Variants in AGBL1 observed in about 807,000 individuals in gnomAD.
AGBL1 encodes the protein cytosolic carboxypeptidase 4.
AGBL1 carries 130 observed loss-of-function variants against 118.9 expected under a neutral mutation model. That is an observed-to-expected ratio of 1.09 (90% confidence interval 0.95 to 1.26). The LOEUF (loss-of-function observed/expected upper bound fraction) is 1.26, where lower values mean the gene tolerates loss of function less well. Ranked by LOEUF, AGBL1 falls within the 50% of genes most tolerant of loss-of-function variation. The probability of loss-of-function intolerance (pLI) is 0.00; values close to 1 mark genes in which losing one functional copy is unlikely to be tolerated. For missense variants in AGBL1, 1,584 were observed against 1,298.1 expected (o/e 1.22, Z -3.38); for synonymous variants, 555 against 478.9 (o/e 1.16, Z -2.08).
rs755026990 is a variant in AGBL1 at position 86,397,468 on chromosome 15, C to T, written c.2477C>T (p.Pro826Leu). The part of the protein sequence containing the change: ...GTLEFLVSSD[P>L]VARLLRENFI... ...TTGGAGTTCCTGGTCAGCAGTGACC[C>T]TGTGGCTAGGCTCTTGAGGGAAAAC... The change falls in exon 18 of 23, where the codon CCT (proline) becomes CTT (leucine). Residue 826 changes from proline (P) to leucine (L), a missense_variant. Physicochemically the swap from Pro to Leu is moderately conservative, Grantham distance 98. Transcript: ENST00000614907. 1 of 1,613,122 alleles carries T rather than the reference C, an allele frequency of 6.2e-7. No homozygotes were observed. Among genetic ancestry groups the T allele is most frequent in the East Asian group, 2.2e-5 (1 of 44,838 alleles).
intron 18 of AGBL1, among the ~76,000 whole-genome samples, chr15:86,484,680 A>T (rs2082692616): frequency 6.6e-6 from 1 of 152,120 alleles, no homozygotes; most frequent in African/African-American, 2.4e-5. Flanking sequence ...AATGCATTTA[A>T]AAGAGAGCCT....
At chr15:86,243,893 AC>A (rs972794167) in intron 6 of AGBL1, among the ~76,000 whole-genome samples, 2 of 151,874 alleles carry the variant, frequency 1.3e-5, no homozygotes, top group African/African-American at 2.4e-5. Flanking sequence ...AGTGGCGTGC[AC>A]CTGGAATCCC....
chr15:86,544,182 C>G (rs542667419), intron 19 of AGBL1, among the ~76,000 whole-genome samples: 3 of 152,142 alleles, frequency 2.0e-5, no homozygotes, highest in Admixed American at 6.5e-5. Flanking sequence ...CTGCTCTGAC[C>G]CAGGTTGGCT....
At chr15:86,845,461 T>C (rs942560849) in intron 22 of AGBL1, among the ~76,000 whole-genome samples, 19 of 152,202 alleles carry the variant, frequency 1.2e-4, no homozygotes, top group Admixed American at 1.2e-3. Context: ...CACTTAGTCA[T>C]GATGTACAAT....
intron 21 of AGBL1, among the ~76,000 whole-genome samples, chr15:86,556,573 C>T (rs1388938583): frequency 6.6e-6 from 1 of 152,132 alleles, no homozygotes; most frequent in Non-Finnish European, 1.5e-5. Flanking sequence ...GGGGCCCACC[C>T]CATGGGAAGG....
At chr15:86,753,461 G>A (rs994047035) in intron 22 of AGBL1, among the ~76,000 whole-genome samples, 2 of 137,378 alleles carry the variant, frequency 1.5e-5, no homozygotes, top group African/African-American at 5.5e-5. Flanking sequence ...GCAGTGGCAT[G>A]ATCTTGACTC....
intron 17 of AGBL1, chr15:86,316,972 TC>T (rs1439266857): frequency 1.3e-5 from 2 of 152,260 alleles, no homozygotes; most frequent in African/African-American, 4.8e-5. Flanking sequence ...ACTGGGACTT[TC>T]AGGGCTATGA....
chr15:86,135,520 A>G (rs969206468), intron 1 of AGBL1, among the ~76,000 whole-genome samples: 13 of 152,184 alleles, frequency 8.5e-5, no homozygotes, highest in African/African-American at 3.1e-4. Context: ...CAATGTTCTC[A>G]CTGAGATGGA....
At chr15:86,409,715 A>G (rs762626397) in intron 18 of AGBL1, among the ~76,000 whole-genome samples, 15 of 152,196 alleles carry the variant, frequency 9.9e-5, no homozygotes, top group Non-Finnish European at 2.9e-5. Flanking sequence ...GAAGCATTAA[A>G]TTAAAAATGA....
chr15:86,279,616 C>A (rs1315555467), intron 15 of AGBL1, 23 bp from the exon 16 acceptor site: 1 of 1,609,532 alleles, frequency 6.2e-7, no homozygotes, highest in East Asian at 2.2e-5. Context: ...TTATTCTCTT[C>A]TCTTCTCCTC....
chr15:86,237,658 C>A (rs528058121), intron 6 of AGBL1, among the ~76,000 whole-genome samples: 1 of 152,152 alleles, frequency 6.6e-6, no homozygotes, highest in Admixed American at 6.5e-5. Flanking sequence ...AGTCTAGACT[C>A]AAAATAAAAA....
intron 22 of AGBL1, among the ~76,000 whole-genome samples, chr15:86,903,198 T>C (rs2080235945): frequency 6.6e-6 from 1 of 152,046 alleles, no homozygotes; most frequent in South Asian, 2.1e-4. Context: ...GTCCCTCTAC[T>C]GAGTTTCCTT....
chr15:86,483,434 A>T (rs542491124), intron 18 of AGBL1, among the ~76,000 whole-genome samples: 1 of 152,072 alleles, frequency 6.6e-6, no homozygotes, highest in Non-Finnish European at 1.5e-5. Context: ...CTAGGAAAAA[A>T]TGCCTAATGG....
At chr15:86,658,796 G>A (rs890526820) in intron 21 of AGBL1, among the ~76,000 whole-genome samples, 1 of 152,182 alleles carries the variant, frequency 6.6e-6, no homozygotes, top group Non-Finnish European at 1.5e-5. Flanking sequence ...ATGTGTTTGG[G>A]GTTTGATTTA....
Position 86,785,360 on chromosome 15 carries a change from C to CTTTT in AGBL1, c.3158+110939_3158+110942dup, listed in dbSNP as rs891818403. On this transcript the variant is annotated intron_variant, in intron 22 of 22. Transcript: ENST00000614907. ...GAAGAGGCACAGAGATCTGCGGGTT[C>CTTTT]TTTTTTTTTTTTTTTTTTGTTTTTG... Among the ~76,000 whole-genome samples the CTTTT allele has an allele frequency of 6.2e-4, 61 of 98,902 alleles. 4 individuals are homozygous for CTTTT. Among genetic ancestry groups the CTTTT allele is most frequent in the South Asian group, 1.5e-3 (4 of 2,724 alleles). 64.9% of individuals were successfully genotyped at this position (98,902 alleles called of 152,430 possible).
chr15:86,588,385 A>C (rs1380475327), intron 21 of AGBL1, among the ~76,000 whole-genome samples: 1 of 152,158 alleles, frequency 6.6e-6, no homozygotes, highest in Non-Finnish European at 1.5e-5. Context: ...TACTGTCCTA[A>C]ACAACGAGAT....
intron 22 of AGBL1, among the ~76,000 whole-genome samples, chr15:86,749,693 T>C (rs956438605): frequency 6.6e-5 from 10 of 152,338 alleles, no homozygotes; most frequent in East Asian, 3.9e-4. Context: ...CATCAATACC[T>C]AATTTATTGA....
At chr15:86,664,520 A>G (rs2085607110) in intron 21 of AGBL1, among the ~76,000 whole-genome samples, 1 of 152,178 alleles carries the variant, frequency 6.6e-6, no homozygotes, top group Non-Finnish European at 1.5e-5. Context: ...GGCTCTTTGT[A>G]AAGGTTCTGA....
intron 23 of AGBL1, among the ~76,000 whole-genome samples, chr15:86,923,913 C>G (rs1176664619): frequency 6.6e-6 from 1 of 152,184 alleles, no homozygotes; most frequent in African/African-American, 2.4e-5. Flanking sequence ...AAATCCTCTA[C>G]TTTTCCCATG....
Sources: allele counts gnomAD v4.1 joint callset (sites outside exome capture counted in the v4.1 genomes callset), GRCh38; gene constraint gnomAD v4.1.1; transcripts MANE v1.5; gene names NCBI Gene and HGNC (gene_info 2026-07-23, HGNC 2026-07-21).